The following SELENOF variants were observed in gnomAD, a reference collection of about 807,000 sequenced individuals.
SELENOF encodes the protein 15 kDa selenoprotein.
Under a neutral mutation model 20.5 loss-of-function variants are expected in SELENOF, and 16 were observed. The observed-to-expected ratio is 0.78, with a 90% CI of 0.53 to 1.19. SELENOF has a LOEUF of 1.19. Among genes scored for constraint, SELENOF ranks in the 50% most tolerant of loss-of-function variants. SELENOF has a pLI of 0.00. For synonymous variants in SELENOF, 78 were observed against 74.5 expected, an observed-to-expected ratio of 1.05 and a Z score of -0.24; for missense variants, 215 against 194.2, an observed-to-expected ratio of 1.11 and a Z score of -0.64.
Position 86,863,346 on chromosome 1 carries a change from A to T in SELENOF, c.*128T>A. 1.3e-6 allele frequency: 1 copy of T among 769,420 alleles called. No homozygotes were observed. The highest frequency in any genetic ancestry group is 2.0e-6 in the Non-Finnish European group (1 of 501,384). The allele number at this position is 769,420 out of a possible 1,614,324, so 47.7% of individuals were successfully genotyped here. ...GGACTATACTGCCATTTCACGATTTAATTAGATATTTAATGCCTCAAGTAA... is the reference window on the plus strand; with the variant it reads ...GGACTATACTGCCATTTCACGATTTTATTAGATATTTAATGCCTCAAGTAA... On this transcript the variant is annotated 3_prime_UTR_variant, in exon 5 of 5. Coordinates refer to ENST00000331835, the MANE Select transcript of SELENOF (RefSeq NM_004261.5).
At chr1:86,864,383 A>G (rs1266721843) in intron 4 of SELENOF, among the ~76,000 whole-genome samples, 1 of 152,250 alleles carries the variant, frequency 6.6e-6, no homozygotes. Context: ...CCAATTTTAA[A>G]TTAAGTAGCA....
At chr1:86,871,022 TTC>T (rs1658750780) in intron 3 of SELENOF, among the ~76,000 whole-genome samples, 2 of 152,226 alleles carry the variant, frequency 1.3e-5, no homozygotes, top group Non-Finnish European at 2.9e-5. Context: ...TTCTTTCCTT[TTC>T]TCTCTCTGCT....
At chr1:86,864,510 T>TG (rs1658543334) in intron 4 of SELENOF, among the ~76,000 whole-genome samples, 1 of 152,220 alleles carries the variant, frequency 6.6e-6, no homozygotes, top group Non-Finnish European at 1.5e-5. Context: ...ACTCCAAAGA[T>TG]GGAGACTAGC....
Position 86,882,457 on chromosome 1 carries a change from A to G in SELENOF, c.253-1732T>C, listed in dbSNP as rs144450269. On this transcript the variant is annotated intron_variant, in intron 2 of 4. Transcript: ENST00000331835. ...TAGGGAAATGCATATCAAAACCACA[A>G]TGAGATCCCACTTCACATCACTGGG... Among the ~76,000 whole-genome samples, 200 of 151,478 alleles carry G rather than the reference A, an allele frequency of 1.3e-3. 1 individual carries two copies. Among genetic ancestry groups the G allele is most frequent in the African/African-American group, 4.7e-3 (194 of 41,310 alleles).
upstream of SELENOF, chr1:86,914,446 G>T (rs1660087207): frequency 2.3e-5 from 9 of 383,036 alleles, no homozygotes; most frequent in Non-Finnish European, 4.4e-5. Flanking sequence ...ATTGAATGTC[G>T]TCTTGATTGA....
chr1:86,892,585 T>C (rs1433198433), intron 2 of SELENOF, among the ~76,000 whole-genome samples: 1 of 152,248 alleles, frequency 6.6e-6, no homozygotes, highest in Non-Finnish European at 1.5e-5. Context: ...AAATTTGCCA[T>C]TGTCTTAAAT....
chr1:86,872,019 A>G (rs182067454), intron 3 of SELENOF, among the ~76,000 whole-genome samples: 12 of 152,302 alleles, frequency 7.9e-5, no homozygotes, highest in Admixed American at 2.0e-4. Flanking sequence ...TTCGGTATAC[A>G]AGAAAAAATA....
intron 2 of SELENOF, among the ~76,000 whole-genome samples, chr1:86,888,141 T>G (rs1053208868): frequency 6.6e-6 from 1 of 151,704 alleles, no homozygotes; most frequent in South Asian, 2.1e-4. Flanking sequence ...GTGCCTGTAA[T>G]CCCAGCTACT....
chr1:86,872,158 T>C (rs1172887352), intron 3 of SELENOF, among the ~76,000 whole-genome samples: 5 of 152,062 alleles, frequency 3.3e-5, no homozygotes, highest in Non-Finnish European at 7.3e-5. Flanking sequence ...GTTTAGTGAG[T>C]ATTAACCACA....
At chr1:86,903,896 A>T (rs1659767127) in intron 1 of SELENOF, among the ~76,000 whole-genome samples, 1 of 151,896 alleles carries the variant, frequency 6.6e-6, no homozygotes, top group Non-Finnish European at 1.5e-5. Flanking sequence ...TCTTTCTTAA[A>T]CTCTGTAACC....
upstream of SELENOF, chr1:86,914,357 A>T (rs180688962): frequency 8.8e-4 from 484 of 547,036 alleles, 4 homozygotes; most frequent in East Asian, 0.012. Context: ...CCTTTCTTTT[A>T]TTCACGACAC....
chr1:86,863,413 AG>A lies in SELENOF; in HGVS notation c.*60del, dbSNP rs1658510168. The A allele has an allele frequency of 7.2e-7, 1 of 1,391,022 alleles. No homozygotes were observed. 86.2% of individuals were successfully genotyped at this position (1,391,022 alleles called of 1,614,324 possible). ...AGCAAGCAAAACTAAATTATTTTCT[AG>A]GTGCTGTAATATTTCATTTGATAAG... On this transcript the variant is annotated 3_prime_UTR_variant, in exon 5 of 5. Coordinates refer to ENST00000331835, the MANE Select transcript of SELENOF (RefSeq NM_004261.5).
chr1:86,913,949 A>G (rs1330198014), intron 1 of SELENOF, 79 bp downstream of exon 1: 5 of 1,353,044 alleles, frequency 3.7e-6, no homozygotes, highest in Non-Finnish European at 5.3e-6. Flanking sequence ...CTTTTCAACC[A>G]GGACCGAATG....
chr1:86,892,229 C>T (rs916102589), intron 2 of SELENOF, among the ~76,000 whole-genome samples: 3 of 152,074 alleles, frequency 2.0e-5, no homozygotes, highest in African/African-American at 4.8e-5. Context: ...TGAGCCACCA[C>T]CCCCGGCCTA....
intron 2 of SELENOF, among the ~76,000 whole-genome samples, chr1:86,891,399 T>A (rs1190407978): frequency 1.3e-5 from 2 of 152,168 alleles, no homozygotes; most frequent in Admixed American, 1.3e-4. Flanking sequence ...TATTTTTCTT[T>A]GATCTTAACC....
chr1:86,873,056 T>TAAAG (rs910811213), intron 3 of SELENOF, among the ~76,000 whole-genome samples: 4 of 59,010 alleles, frequency 6.8e-5, no homozygotes, highest in Non-Finnish European at 1.2e-4. Context: ...AATAAATAAA[T>TAAAG]AAATAAATAA....
chr1:86,871,100 T>G (rs1276659066), intron 3 of SELENOF, among the ~76,000 whole-genome samples: 1 of 152,172 alleles, frequency 6.6e-6, no homozygotes, highest in Non-Finnish European at 1.5e-5. Flanking sequence ...CAAATCACAT[T>G]TTACAGGCAG....
intron 4 of SELENOF, among the ~76,000 whole-genome samples, chr1:86,865,005 A>C (rs1658556034): frequency 6.6e-6 from 1 of 152,064 alleles, no homozygotes. Context: ...CAATATTTAA[A>C]AATGTTTATT....
At chr1:86,874,636 G>C (rs537491624) in intron 3 of SELENOF, among the ~76,000 whole-genome samples, 1 of 151,908 alleles carries the variant, frequency 6.6e-6, no homozygotes, top group South Asian at 2.1e-4. Flanking sequence ...TCTAGAAAGA[G>C]GGTATATGTG....
Sources: gnomAD v4.1 joint callset for allele counts (sites outside exome capture counted in the v4.1 genomes callset) on GRCh38, gnomAD v4.1.1 for gene constraint, MANE v1.5 for transcripts, NCBI Gene and HGNC (gene_info 2026-07-23, HGNC 2026-07-21) for gene names.